Variants in FAM200B observed in about 807,000 individuals in gnomAD.
FAM200B encodes the protein zinc finger BED-type containing 11.
Under a neutral mutation model 33.1 loss-of-function variants are expected in FAM200B, and 32 were observed. The ratio of observed to expected loss-of-function variants is 0.97; its 90% CI spans 0.73 to 1.30. FAM200B has a LOEUF of 1.30. Among genes scored for constraint, FAM200B ranks in the 50% most tolerant of loss-of-function variants. The pLI is 0.00. For missense variants in FAM200B, 741 were observed against 754.0 expected, an observed-to-expected ratio of 0.98 and a Z score of 0.20; for synonymous variants, 240 against 264.8, an observed-to-expected ratio of 0.91 and a Z score of 0.91.
the FAM200B span, chr4:15,644,735 GTAA>G: frequency 1.3e-6 from 2 of 1,531,636 alleles, no homozygotes; most frequent in Non-Finnish European, 1.8e-6. Flanking sequence ...AAAGAAAAGT[GTAA>G]TAAATACGTG....
At chr4:15,684,963 C>T (rs1211289112) in intron 1 of FAM200B, 1 of 152,160 alleles carries the variant, frequency 6.6e-6, no homozygotes, top group East Asian at 1.9e-4. Context: ...TTTTAAGGTA[C>T]AATCAGGTAC....
the FAM200B span, among the ~76,000 whole-genome samples, chr4:15,676,189 T>C: frequency 2.0e-5 from 3 of 152,232 alleles, no homozygotes; most frequent in African/African-American, 4.8e-5. Context: ...ATTAGGACAC[T>C]GTTTCAAAAA....
Position 15,688,111 on chromosome 4 carries a change from C to G in FAM200B, c.1134C>G (p.Thr378=). Residue 378 remains threonine (T), a synonymous_variant, in exon 2 of 2, where the codon ACC becomes ACG. Coordinates refer to ENST00000422728, the MANE Select transcript of FAM200B (RefSeq NM_001145191.2). ...TFCSEIGTNH[T]HLLYHTKIRW... ...GTTCAGAGATTGGAACTAATCATACCCACTTACTATATCATACCAAAATTC... is the reference window on the plus strand; with the variant it reads ...GTTCAGAGATTGGAACTAATCATACGCACTTACTATATCATACCAAAATTC... 3 of 1,551,096 alleles carry G rather than the reference C, an allele frequency of 1.9e-6. No individual in the cohort carries two copies. The highest frequency in any genetic ancestry group is 2.6e-6 in the Non-Finnish European group (3 of 1,146,684).
chr4:15,670,788 T>C, the FAM200B span, among the ~76,000 whole-genome samples: 3 of 152,164 alleles, frequency 2.0e-5, no homozygotes, highest in Non-Finnish European at 4.4e-5. Flanking sequence ...CTAGTGTATT[T>C]CTACCTGCCT....
Position 15,688,750 on chromosome 4 carries a change from T to A in FAM200B, c.1773T>A (p.Phe591Leu). 6.4e-7 allele frequency: 1 copy of A among 1,550,610 alleles called. No homozygotes were observed. Among genetic ancestry groups the A allele is most frequent in the Non-Finnish European group, 8.7e-7 (1 of 1,146,156 alleles). ...TTTGGATGAAGGTAAAGGAAGACTTTCCATTGTTAAGTAGAAAGAGTGTCC... is the reference window on the plus strand; with the variant it reads ...TTTGGATGAAGGTAAAGGAAGACTTACCATTGTTAAGTAGAAAGAGTGTCC... The part of the protein sequence containing the change: ...SAFWMKVKED[F>L]PLLSRKSVLL... The change falls in exon 2 of 2, where the codon TTT becomes TTA. Residue 591 changes from phenylalanine to leucine, a missense_variant. Phe to Leu is a conservative substitution (Grantham distance 22, BLOSUM62 0). Coordinates refer to ENST00000422728, the MANE Select transcript of FAM200B (RefSeq NM_001145191.2).
chr4:15,642,587 G>A, the FAM200B span, among the ~76,000 whole-genome samples: 35 of 152,162 alleles, frequency 2.3e-4, no homozygotes, highest in Non-Finnish European at 4.1e-4. Context: ...AGTCTTCTCT[G>A]GTCTCTTTTT....
upstream of FAM200B, among the ~76,000 whole-genome samples, chr4:15,679,143 A>G (rs1182585356): frequency 6.7e-6 from 1 of 149,370 alleles, no homozygotes; most frequent in Non-Finnish European, 1.5e-5. Context: ...GCTCACTGCA[A>G]CCTCCGCCTC....
chr4:15,659,083 T>C, the FAM200B span, among the ~76,000 whole-genome samples: 1 of 152,198 alleles, frequency 6.6e-6, no homozygotes, highest in Non-Finnish European at 1.5e-5. Flanking sequence ...GTGCTTTAAC[T>C]AAATAATATA....
the FAM200B span, among the ~76,000 whole-genome samples, chr4:15,657,412 GTTGTC>G: frequency 3.9e-5 from 6 of 152,304 alleles, no homozygotes; most frequent in East Asian, 1.9e-4. Flanking sequence ...AATATGCTAT[GTTGTC>G]TTGTCCAATC....
the FAM200B span, among the ~76,000 whole-genome samples, chr4:15,658,095 T>A: frequency 6.6e-6 from 1 of 152,226 alleles, no homozygotes; most frequent in Non-Finnish European, 1.5e-5. Flanking sequence ...TCTATAGTAG[T>A]TTCCAAGCCT....
chr4:15,655,548 A>G, the FAM200B span: 1 of 197,526 alleles, frequency 5.1e-6, no homozygotes, highest in Non-Finnish European at 9.1e-6. Flanking sequence ...TCGTCTTCAT[A>G]AGCCGCAGAA....
chr4:15,652,871 T>C, the FAM200B span, among the ~76,000 whole-genome samples: 1 of 147,118 alleles, frequency 6.8e-6, no homozygotes, highest in African/African-American at 2.5e-5. Context: ...TCATTTTATA[T>C]AGTTTTATTG....
At chr4:15,680,460 C>A (rs1306475150), upstream of FAM200B, among the ~76,000 whole-genome samples, 1 of 152,146 alleles carries the variant, frequency 6.6e-6, no homozygotes, top group Non-Finnish European at 1.5e-5. Flanking sequence ...CACCTGAGGT[C>A]AGGAGTTCGA....
At chr4:15,681,497 C>A (rs1577529474), upstream of FAM200B, 1 of 162,860 alleles carries the variant, frequency 6.1e-6, no homozygotes. Context: ...GCCCTGTCCG[C>A]GCTCGGCTAC....
rs1718905084 is a variant in FAM200B at position 15,686,956 on chromosome 4, A to G, written c.-22A>G. 2.4e-6 allele frequency: 3 copies of G among 1,234,734 alleles called. No individual in the cohort carries two copies. The South Asian group carries it at 5.8e-5, about 24-fold the overall frequency. The allele number at this position is 1,234,734 out of a possible 1,614,324, so 76.5% of individuals were successfully genotyped here. ...GTGCCAATTATAACATTTTAATCAAACTGGAACAAATTGCTATTAAAATGG... is the reference window on the plus strand; with the variant it reads ...GTGCCAATTATAACATTTTAATCAAGCTGGAACAAATTGCTATTAAAATGG... On this transcript the variant is annotated 5_prime_UTR_variant, in exon 2 of 2. Coordinates refer to ENST00000422728, the MANE Select transcript of FAM200B (RefSeq NM_001145191.2).
At chr4:15,666,027 A>ATTT in the FAM200B span, among the ~76,000 whole-genome samples, 3 of 151,886 alleles carry the variant, frequency 2.0e-5, no homozygotes, top group African/African-American at 7.3e-5. Context: ...TTTTTTTAAA[A>ATTT]AAAAAAAAAT....
the FAM200B span, among the ~76,000 whole-genome samples, chr4:15,673,045 T>C: frequency 1.3e-5 from 2 of 152,180 alleles, no homozygotes; most frequent in East Asian, 3.8e-4. Context: ...AAAGCTGTCA[T>C]CTATGATAAC....
the FAM200B span, among the ~76,000 whole-genome samples, chr4:15,663,920 C>G: frequency 6.6e-6 from 1 of 152,116 alleles, no homozygotes; most frequent in Non-Finnish European, 1.5e-5. Context: ...GTGCAAGTCA[C>G]CAATCTAAAG....
the FAM200B span, among the ~76,000 whole-genome samples, chr4:15,675,817 A>T: frequency 2.6e-5 from 4 of 151,982 alleles, no homozygotes; most frequent in Admixed American, 6.6e-5. Flanking sequence ...TCCTGACCTC[A>T]GATGATCCGC....
Sources: allele counts gnomAD v4.1 joint callset (sites outside exome capture counted in the v4.1 genomes callset), GRCh38; gene constraint gnomAD v4.1.1; transcripts MANE v1.5; gene names NCBI Gene and HGNC (gene_info 2026-07-23, HGNC 2026-07-21).